Variants in PRIM2 observed in about 807,000 individuals in gnomAD.
PRIM2 encodes DNA primase subunit 2, also known as DNA primase large subunit.
Under a neutral mutation model 67.3 loss-of-function variants are expected in PRIM2, and 39 were observed. That is an observed-to-expected ratio of 0.58 (90% CI 0.45 to 0.76). The LOEUF (loss-of-function observed/expected upper bound fraction) is 0.76. PRIM2 is among the 30% of genes least tolerant of loss of function. The pLI, the probability that PRIM2 is intolerant of heterozygous loss-of-function variation, is 0.00. For synonymous variants in PRIM2, 143 were observed against 198.7 expected (o/e 0.72, Z 2.36); for missense variants, 398 against 598.7 (o/e 0.66, Z 3.50).
chr6:57,480,066 C>G (rs1327587338), intron 7 of PRIM2, among the ~76,000 whole-genome samples: 3 of 152,170 alleles, frequency 2.0e-5, no homozygotes, highest in South Asian at 2.1e-4. Context: ...TAGGCAGATG[C>G]TGTAGGTAGA....
At chr6:57,444,338 G>C (rs1400040204) in intron 7 of PRIM2, among the ~76,000 whole-genome samples, 1 of 152,116 alleles carries the variant, frequency 6.6e-6, no homozygotes, top group African/African-American at 2.4e-5. Context: ...GAAGGCCGAG[G>C]CGGGCGGATC....
chr6:57,525,380 C>T (rs1554349271), intron 8 of PRIM2, among the ~76,000 whole-genome samples: 1 of 151,916 alleles, frequency 6.6e-6, no homozygotes, highest in African/African-American at 2.4e-5. Flanking sequence ...AACAACCAGG[C>T]CTTTGACTTT....
intron 7 of PRIM2, among the ~76,000 whole-genome samples, chr6:57,435,561 T>C (rs562319965): frequency 8.5e-5 from 13 of 152,312 alleles, no homozygotes; most frequent in South Asian, 2.1e-4. Context: ...TTCTGAAATA[T>C]GGGCTTCTGC....
chr6:57,475,649 C>T (rs1479177548), intron 7 of PRIM2, among the ~76,000 whole-genome samples: 5 of 152,314 alleles, frequency 3.3e-5, no homozygotes, highest in Middle Eastern at 3.4e-3. Context: ...ACTGCCACAG[C>T]CAACGTCCTG....
the PRIM2 span, among the ~76,000 whole-genome samples, chr6:57,267,490 A>G: frequency 6.6e-6 from 1 of 152,144 alleles, no homozygotes; most frequent in African/African-American, 2.4e-5. Flanking sequence ...TCATCCATTT[A>G]GTCCAGCACT....
the PRIM2 span, among the ~76,000 whole-genome samples, chr6:57,283,933 T>C: frequency 2.0e-5 from 3 of 152,140 alleles, no homozygotes; most frequent in Admixed American, 6.6e-5. Flanking sequence ...GCCTTTTAAG[T>C]AGGGTGATTA....
At chr6:57,278,277 A>T in the PRIM2 span, among the ~76,000 whole-genome samples, 1 of 152,060 alleles carries the variant, frequency 6.6e-6, no homozygotes. Context: ...CAGTGAGCCG[A>T]GATTGCACCT....
At chr6:57,633,023 C>G (rs1777061057) in intron 13 of PRIM2, among the ~76,000 whole-genome samples, 1 of 152,220 alleles carries the variant, frequency 6.6e-6, no homozygotes, top group African/African-American at 2.4e-5. Flanking sequence ...GTCACAAACT[C>G]AGAGGCCTAC....
intron 7 of PRIM2, among the ~76,000 whole-genome samples, chr6:57,452,657 T>A (rs1380934157): frequency 6.6e-6 from 1 of 152,244 alleles, no homozygotes; most frequent in Non-Finnish European, 1.5e-5. Flanking sequence ...TAAATTTGTT[T>A]GAGTTCATCG....
chr6:57,410,331 C>CAAAAAA (rs66631802), intron 7 of PRIM2, among the ~76,000 whole-genome samples: 1 of 105,390 alleles, frequency 9.5e-6, no homozygotes, highest in African/African-American at 3.4e-5. Flanking sequence ...AACGCCATCT[C>CAAAAAA]AAAAAAAAAA....
chr6:57,288,230 C>T, the PRIM2 span, among the ~76,000 whole-genome samples: 1 of 152,160 alleles, frequency 6.6e-6, no homozygotes, highest in African/African-American at 2.4e-5. Context: ...GAGGGGGTGT[C>T]TGCCATTGCT....
At chr6:57,486,862 G>T (rs1320936349) in intron 7 of PRIM2, among the ~76,000 whole-genome samples, 12 of 152,142 alleles carry the variant, frequency 7.9e-5, no homozygotes, top group African/African-American at 2.9e-4. Flanking sequence ...TCTGTGGTTG[G>T]TTATTTATAT....
At chr6:57,561,756 A>C (rs1775636957) in intron 10 of PRIM2, among the ~76,000 whole-genome samples, 1 of 152,130 alleles carries the variant, frequency 6.6e-6, no homozygotes, top group East Asian at 1.9e-4. Context: ...GATTTCCTTG[A>C]AAAACTTTTT....
chr6:57,291,681 G>A, the PRIM2 span, among the ~76,000 whole-genome samples: 1 of 152,128 alleles, frequency 6.6e-6, no homozygotes, highest in Non-Finnish European at 1.5e-5. Flanking sequence ...GGGATGCAAG[G>A]CTGGTTCAAC....
At chr6:57,356,860 C>A (rs1769045232) in intron 5 of PRIM2, among the ~76,000 whole-genome samples, 1 of 151,644 alleles carries the variant, frequency 6.6e-6, no homozygotes, top group African/African-American at 2.4e-5. Context: ...TCTCTAGAAT[C>A]TGTCCATCTC....
At chr6:57,476,793 G>A (rs1773487720) in intron 7 of PRIM2, among the ~76,000 whole-genome samples, 1 of 152,072 alleles carries the variant, frequency 6.6e-6, no homozygotes, top group African/African-American at 2.4e-5. Flanking sequence ...TGTTGCCCAG[G>A]CTGGAGTGCA....
chr6:57,376,303 C>T (rs1312135724), intron 5 of PRIM2, among the ~76,000 whole-genome samples: 1 of 152,136 alleles, frequency 6.6e-6, no homozygotes, highest in East Asian at 1.9e-4. Context: ...TGCCAACTCC[C>T]ATGCCTGGCC....
chr6:57,352,018 C>G (rs966559666), intron 5 of PRIM2, among the ~76,000 whole-genome samples: 4 of 152,198 alleles, frequency 2.6e-5, no homozygotes, highest in South Asian at 2.1e-4. Flanking sequence ...ATGTAAATTG[C>G]ATAGAGCTTG....
the PRIM2 span, among the ~76,000 whole-genome samples, chr6:57,227,517 G>A: frequency 3.7e-4 from 56 of 151,818 alleles, no homozygotes; most frequent in African/African-American, 1.3e-3. Context: ...TGTGGCGCAC[G>A]CCTGTAATCT....
Sources: allele counts gnomAD v4.1 joint callset (sites outside exome capture counted in the v4.1 genomes callset), GRCh38; gene constraint gnomAD v4.1.1; transcripts MANE v1.5; gene names NCBI Gene and HGNC (gene_info 2026-07-23, HGNC 2026-07-21).